Variants in PDE11A observed in about 807,000 individuals in gnomAD.
PDE11A encodes phosphodiesterase 11A.
Under a neutral mutation model 100.5 loss-of-function variants are expected in PDE11A, and 100 were observed. The ratio of observed to expected loss-of-function variants is 1.00; its 90% CI spans 0.85 to 1.18. The LOEUF (loss-of-function observed/expected upper bound fraction) is 1.18, where lower values mean the gene tolerates loss of function less well. PDE11A is among the 50% of genes most tolerant of loss of function. The pLI is 0.00. For missense variants in PDE11A, 1,141 were observed against 1,152.6 expected (o/e 0.99, Z 0.15); for synonymous variants, 381 against 420.8 (o/e 0.91, Z 1.16).
chr2:177,778,714 TGAA>T (rs2082412512), intron 9 of PDE11A, among the ~76,000 whole-genome samples: 1 of 152,220 alleles, frequency 6.6e-6, no homozygotes, highest in Admixed American at 6.5e-5. Flanking sequence ...TCTAACTATA[TGAA>T]GAACCATACT....
chr2:178,063,855 C>A (rs922537831), intron 1 of PDE11A, among the ~76,000 whole-genome samples: 1 of 152,168 alleles, frequency 6.6e-6, no homozygotes, highest in Non-Finnish European at 1.5e-5. Flanking sequence ...ATCAAGAACA[C>A]AGAAAATGTG....
chr2:177,981,358 T>C (rs187787477), intron 2 of PDE11A, among the ~76,000 whole-genome samples: 1 of 150,688 alleles, frequency 6.6e-6, no homozygotes, highest in East Asian at 1.9e-4. Context: ...AAAATCAAGG[T>C]GTCAGAAGGG....
chr2:178,035,452 G>A (rs1288798668), intron 1 of PDE11A, among the ~76,000 whole-genome samples: 1 of 152,330 alleles, frequency 6.6e-6, no homozygotes, highest in Middle Eastern at 3.4e-3. Flanking sequence ...GAGGTACAAA[G>A]AGGAGCTAGT....
intron 2 of PDE11A, among the ~76,000 whole-genome samples, chr2:177,941,658 C>G (rs1169718903): frequency 6.6e-6 from 1 of 152,218 alleles, no homozygotes; most frequent in African/African-American, 2.4e-5. Context: ...CAGCTGCCCT[C>G]TCCTTCCTCC....
intron 1 of PDE11A, among the ~76,000 whole-genome samples, chr2:178,106,470 T>C (rs1258097141): frequency 6.6e-6 from 1 of 152,334 alleles, no homozygotes; most frequent in East Asian, 1.9e-4. Flanking sequence ...TTATCAGTTC[T>C]ATTAATTACC....
intron 2 of PDE11A, among the ~76,000 whole-genome samples, chr2:177,946,165 G>A (rs1344780296): frequency 8.8e-4 from 83 of 94,300 alleles, no homozygotes; most frequent in Non-Finnish European, 1.3e-3. Flanking sequence ...GCCTCTGCCC[G>A]GCCGCCCCTA....
At chr2:177,653,471 A>C (rs1443174769) in intron 19 of PDE11A, among the ~76,000 whole-genome samples, 1 of 152,128 alleles carries the variant, frequency 6.6e-6, no homozygotes, top group African/African-American at 2.4e-5. Flanking sequence ...CCCAAAAGCT[A>C]TGTTGAAGTT....
At chr2:177,760,980 T>C (rs933188607) in intron 10 of PDE11A, among the ~76,000 whole-genome samples, 5 of 152,140 alleles carry the variant, frequency 3.3e-5, no homozygotes, top group Non-Finnish European at 7.4e-5. Flanking sequence ...TATAAAATAG[T>C]AAATACAAAT....
intron 2 of PDE11A, among the ~76,000 whole-genome samples, chr2:177,952,521 T>C (rs1269747014): frequency 6.6e-6 from 1 of 152,204 alleles, no homozygotes; most frequent in African/African-American, 2.4e-5. Context: ...AACTGTCCTT[T>C]AGTTTCTGAT....
intron 2 of PDE11A, chr2:177,997,264 G>T (rs955007521): frequency 5.0e-6 from 6 of 1,205,060 alleles, no homozygotes; most frequent in African/African-American, 4.5e-5. Context: ...TTCCCTGAAG[G>T]CTCCTCTCAT....
intron 10 of PDE11A, among the ~76,000 whole-genome samples, chr2:177,748,477 G>A (rs3770042): frequency 0.71 from 107,238 of 152,028 alleles, 39,501 homozygotes; most frequent in East Asian, 0.86. Flanking sequence ...TTATCTATTT[G>A]CGTATTATTA....
intron 10 of PDE11A, among the ~76,000 whole-genome samples, chr2:177,751,022 C>T (rs978965662): frequency 2.6e-5 from 4 of 152,058 alleles, no homozygotes; most frequent in Admixed American, 6.6e-5. Flanking sequence ...GGCTCCCTTC[C>T]CTAGCCAAGT....
At chr2:177,846,023 G>C (rs1217281051) in intron 5 of PDE11A, among the ~76,000 whole-genome samples, 2 of 150,652 alleles carry the variant, frequency 1.3e-5, no homozygotes, top group Non-Finnish European at 1.5e-5. Flanking sequence ...AGAGAGGGAG[G>C]GGGAGACCGT....
intron 5 of PDE11A, among the ~76,000 whole-genome samples, chr2:177,873,184 G>T (rs1173605457): frequency 6.6e-6 from 1 of 152,134 alleles, no homozygotes; most frequent in African/African-American, 2.4e-5. Context: ...ATGAGAACAT[G>T]TTCAGCAGTA....
chr2:177,726,687 C>T (rs2081604668), intron 12 of PDE11A, among the ~76,000 whole-genome samples: 1 of 136,866 alleles, frequency 7.3e-6, no homozygotes. Flanking sequence ...GAGAAAGAAG[C>T]AGAATTGTCT....
At chr2:177,935,393 C>T (rs1438240109) in intron 2 of PDE11A, among the ~76,000 whole-genome samples, 1 of 152,168 alleles carries the variant, frequency 6.6e-6, no homozygotes, top group Non-Finnish European at 1.5e-5. Context: ...AGTAGTTTAG[C>T]TGCAGTGAAT....
chr2:177,655,648 C>T (rs938342486), intron 19 of PDE11A, among the ~76,000 whole-genome samples: 5 of 152,092 alleles, frequency 3.3e-5, no homozygotes, highest in Non-Finnish European at 7.4e-5. Context: ...AAGCAATCCT[C>T]CCACCACAGA....
chr2:177,876,823 T>C (rs1375705042), intron 4 of PDE11A, among the ~76,000 whole-genome samples: 1 of 148,208 alleles, frequency 6.7e-6, no homozygotes, highest in African/African-American at 2.6e-5. Context: ...CTGGCCCTTG[T>C]AGGGGTGGAC....
chr2:178,005,649 A>G (rs1274355483), intron 2 of PDE11A, among the ~76,000 whole-genome samples: 2 of 152,236 alleles, frequency 1.3e-5, no homozygotes, highest in Admixed American at 6.5e-5. Flanking sequence ...TGTCTCAAAC[A>G]TAATACTGTC....
Sources: allele counts gnomAD v4.1 joint callset (sites outside exome capture counted in the v4.1 genomes callset), GRCh38; gene constraint gnomAD v4.1.1; transcripts MANE v1.5; gene names NCBI Gene and HGNC (gene_info 2026-07-23, HGNC 2026-07-21).